Variants in WWOX observed in about 807,000 individuals in gnomAD.
WWOX encodes WW domain containing oxidoreductase.
WWOX carries 69 observed loss-of-function variants against 46.2 expected under a neutral mutation model. That is an observed-to-expected ratio of 1.49 (90% CI 1.23 to 1.82). The LOEUF (loss-of-function observed/expected upper bound fraction) is 1.82, where lower values mean the gene tolerates loss of function less well. Ranked by LOEUF, WWOX falls within the 40% of genes most tolerant of loss-of-function variation. The pLI is 0.00. For synonymous variants in WWOX, 359 were observed against 202.6 expected, an observed-to-expected ratio of 1.77 and a Z score of -6.56; for missense variants, 919 against 542.6, an observed-to-expected ratio of 1.69 and a Z score of -6.89.
intron 5 of WWOX, among the ~76,000 whole-genome samples, chr16:78,292,064 T>G (rs1263829502): frequency 3.0e-5 from 3 of 99,376 alleles, no homozygotes; most frequent in Non-Finnish European, 5.7e-5. Context: ...GATTTTTACC[T>G]TTTTTTTTTT....
At chr16:78,671,670 A>C (rs1365936841) in intron 8 of WWOX, among the ~76,000 whole-genome samples, 1 of 152,164 alleles carries the variant, frequency 6.6e-6, no homozygotes, top group Non-Finnish European at 1.5e-5. Context: ...GAGACAGTGT[A>C]TGTAAAGCAT....
At chr16:78,323,346 C>T (rs904537388) in intron 5 of WWOX, among the ~76,000 whole-genome samples, 1 of 152,150 alleles carries the variant, frequency 6.6e-6, no homozygotes, top group Non-Finnish European at 1.5e-5. Flanking sequence ...ACCTCATGAT[C>T]TGTCAGCCTC....
intron 8 of WWOX, among the ~76,000 whole-genome samples, chr16:78,922,552 T>A (rs373019581): frequency 4.3e-4 from 65 of 152,254 alleles, no homozygotes; most frequent in Admixed American, 1.2e-3. Flanking sequence ...CTAATTTTTG[T>A]ATTTTTAGTA....
At chr16:78,965,275 C>G (rs924656077) in intron 8 of WWOX, among the ~76,000 whole-genome samples, 1 of 152,164 alleles carries the variant, frequency 6.6e-6, no homozygotes, top group Admixed American at 6.5e-5. Context: ...GTTTAAATCA[C>G]TAGTAAAATT....
chr16:78,511,669 C>T (rs2085364282), intron 8 of WWOX, among the ~76,000 whole-genome samples: 1 of 152,164 alleles, frequency 6.6e-6, no homozygotes, highest in Non-Finnish European at 1.5e-5. Context: ...GTGTCAATAT[C>T]TGTAGTACCC....
intron 8 of WWOX, among the ~76,000 whole-genome samples, chr16:79,013,938 C>T (rs571222473): frequency 6.6e-6 from 1 of 152,264 alleles, no homozygotes; most frequent in African/African-American, 2.4e-5. Flanking sequence ...ACACCTCCTC[C>T]CCAGAGAGGA....
In WWOX at chr16:78,548,152, CAA is replaced by C. The variant is rs11320544; in HGVS notation, c.1056+115425_1056+115426del. 8.9e-3 allele frequency among the ~76,000 whole-genome samples: 306 copies of C among 34,242 alleles called. 1 individual carries two copies. The highest frequency in any genetic ancestry group is 0.037 in the South Asian group (35 of 946). The allele number at this position is 34,242 out of a possible 152,430, so 22.5% of individuals were successfully genotyped here. ...CCTGGGTGACAGAGCAAGACTGTCT[CAA>C]AAAAAAAAAAAAAAAAAAAAAAAAT... On this transcript the variant is annotated intron_variant, in intron 8 of 8. Transcript: ENST00000566780.
intron 8 of WWOX, among the ~76,000 whole-genome samples, chr16:79,196,036 A>C (rs2051233199): frequency 6.6e-6 from 1 of 152,190 alleles, no homozygotes; most frequent in African/African-American, 2.4e-5. Context: ...CTTCTCATGC[A>C]ATTTAATCAG....
At chr16:78,793,802 A>G (rs181457708) in intron 8 of WWOX, among the ~76,000 whole-genome samples, 5 of 152,192 alleles carry the variant, frequency 3.3e-5, no homozygotes, top group Admixed American at 1.3e-4. Flanking sequence ...TTGGCTGGGC[A>G]AGGTGGCTCA....
At chr16:78,779,855 G>A (rs1194803057) in intron 8 of WWOX, among the ~76,000 whole-genome samples, 1 of 152,164 alleles carries the variant, frequency 6.6e-6, no homozygotes, top group African/African-American at 2.4e-5. Context: ...GGGCCTTTGG[G>A]ACTGGGTGGA....
intron 3 of WWOX, among the ~76,000 whole-genome samples, chr16:78,110,664 G>T (rs913124786): frequency 6.6e-6 from 1 of 152,144 alleles, no homozygotes; most frequent in South Asian, 2.1e-4. Context: ...GTAACCACCT[G>T]TCCAACATAT....
intron 8 of WWOX, among the ~76,000 whole-genome samples, chr16:78,707,293 A>C (rs533099315): frequency 6.6e-6 from 1 of 152,234 alleles, no homozygotes; most frequent in African/African-American, 2.4e-5. Context: ...CGTACATGCA[A>C]AAATCTCTAC....
intron 8 of WWOX, among the ~76,000 whole-genome samples, chr16:78,645,916 G>T (rs2046828915): frequency 6.6e-6 from 1 of 152,102 alleles, no homozygotes; most frequent in Non-Finnish European, 1.5e-5. Context: ...CTTGGCTGGT[G>T]GCCACATCTT....
Position 78,424,359 on chromosome 16 carries a change from G to T in WWOX, c.606-511G>T, listed in dbSNP as rs532508405. Among the ~76,000 whole-genome samples the T allele has an allele frequency of 6.6e-5, 10 of 152,072 alleles. No homozygotes were observed. The South Asian group carries it at 2.1e-3, about 32-fold the overall frequency. ...GGTCTCAAACTCCTGACCTAAAATG[G>T]TCCACCTGCCTTGGCCTCCCAAAGT... On this transcript the variant is annotated intron_variant, in intron 6 of 8. Coordinates refer to ENST00000566780, the MANE Select transcript of WWOX (RefSeq NM_016373.4).
intron 8 of WWOX, among the ~76,000 whole-genome samples, chr16:79,002,558 G>T (rs1597260589): frequency 6.6e-6 from 1 of 152,208 alleles, no homozygotes; most frequent in East Asian, 1.9e-4. Context: ...GATGACCCTT[G>T]CCATAGCAGA....
At chr16:78,936,844 C>A (rs2045748359) in intron 8 of WWOX, among the ~76,000 whole-genome samples, 1 of 152,124 alleles carries the variant, frequency 6.6e-6, no homozygotes, top group African/African-American at 2.4e-5. Context: ...ACATAAAATT[C>A]CAGGCTTCTG....
At chr16:78,653,473 G>A (rs886247282) in intron 8 of WWOX, among the ~76,000 whole-genome samples, 1 of 152,204 alleles carries the variant, frequency 6.6e-6, no homozygotes, top group African/African-American at 2.4e-5. Flanking sequence ...TTAGAAATAG[G>A]TATGTGACCC....
chr16:78,794,393 CA>C (rs958542590), intron 8 of WWOX, among the ~76,000 whole-genome samples: 1 of 151,910 alleles, frequency 6.6e-6, no homozygotes, highest in Non-Finnish European at 1.5e-5. Flanking sequence ...AACAAATAAA[CA>C]AAAAACAAAA....
chr16:79,175,882 A>G (rs1180641484), intron 8 of WWOX, among the ~76,000 whole-genome samples: 1 of 152,162 alleles, frequency 6.6e-6, no homozygotes, highest in Non-Finnish European at 1.5e-5. Context: ...ACTAACAGCC[A>G]CATCCTTTCA....
Sources: allele counts gnomAD v4.1 joint callset (sites outside exome capture counted in the v4.1 genomes callset), GRCh38; gene constraint gnomAD v4.1.1; transcripts MANE v1.5; gene names NCBI Gene and HGNC (gene_info 2026-07-23, HGNC 2026-07-21).